Variants in PHF21B observed in about 807,000 individuals in gnomAD.
PHF21B encodes PHD finger protein 21B, also known as PHD finger protein 4.
Under a neutral mutation model 62.2 loss-of-function variants are expected in PHF21B, and 22 were observed. The ratio of observed to expected loss-of-function variants is 0.35; its 90% CI spans 0.25 to 0.51. PHF21B has a LOEUF of 0.51. Among genes scored for constraint, PHF21B ranks in the 20% least tolerant of loss-of-function variants. PHF21B has a pLI of 0.97. For missense variants in PHF21B, 701 were observed against 707.9 expected, an observed-to-expected ratio of 0.99 and a Z score of 0.11; for synonymous variants, 341 against 314.7, an observed-to-expected ratio of 1.08 and a Z score of -0.88.
At chr22:44,990,260 G>A (rs1171124414) in intron 2 of PHF21B, among the ~76,000 whole-genome samples, 1 of 152,230 alleles carries the variant, frequency 6.6e-6, no homozygotes, top group African/African-American at 2.4e-5. Context: ...TCTCCACTGA[G>A]GGTTTGCCCA....
At chr22:44,913,267 C>G (rs564600238) in intron 5 of PHF21B, among the ~76,000 whole-genome samples, 1 of 152,312 alleles carries the variant, frequency 6.6e-6, no homozygotes, top group Non-Finnish European at 1.5e-5. Context: ...TCTACAGTGC[C>G]CAGGGTCCTG....
chr22:44,934,993 G>A (rs989600526), intron 2 of PHF21B, among the ~76,000 whole-genome samples: 1 of 152,326 alleles, frequency 6.6e-6, no homozygotes, highest in Admixed American at 6.5e-5. Context: ...GACAGTCCCT[G>A]CTCTGCTCCA....
At chr22:44,944,633 C>T (rs1156607127) in intron 2 of PHF21B, among the ~76,000 whole-genome samples, 4 of 152,206 alleles carry the variant, frequency 2.6e-5, no homozygotes, top group African/African-American at 9.6e-5. Flanking sequence ...CATCACAGGG[C>T]CACGCTGGCC....
intron 12 of PHF21B, 53 bp downstream of exon 12, chr22:44,885,373 C>T (rs775906532): frequency 1.0e-4 from 150 of 1,499,126 alleles, no homozygotes; most frequent in Non-Finnish European, 1.3e-4. Flanking sequence ...TCCCCTAGAC[C>T]CGGGGCACAC....
At chr22:44,899,399 T>G (rs543418859) in intron 5 of PHF21B, among the ~76,000 whole-genome samples, 1 of 150,482 alleles carries the variant, frequency 6.6e-6, no homozygotes, top group South Asian at 2.1e-4. Context: ...CAACCGATTC[T>G]CTTGCCTCAG....
At chr22:44,920,584 G>C in intron 2 of PHF21B, 94 bp from the exon 3 acceptor site, 1 of 718,858 alleles carries the variant, frequency 1.4e-6, no homozygotes, top group Non-Finnish European at 2.3e-6. Flanking sequence ...CAGCTGCCTT[G>C]GAGACAGCAA....
At chr22:44,948,081 C>T (rs1462972626) in intron 2 of PHF21B, among the ~76,000 whole-genome samples, 1 of 142,448 alleles carries the variant, frequency 7.0e-6, no homozygotes, top group African/African-American at 2.7e-5. Flanking sequence ...GGTCTCCAAC[C>T]TTTTTGGCAC....
intron 2 of PHF21B, among the ~76,000 whole-genome samples, chr22:44,938,297 G>C (rs150285387): frequency 1.3e-5 from 2 of 152,010 alleles, no homozygotes; most frequent in Non-Finnish European, 2.9e-5. Context: ...GCAGTGGCGC[G>C]GACTTGGCTC....
chr22:44,887,923 A>C, intron 10 of PHF21B, 40 bp downstream of exon 10: 1 of 1,408,718 alleles, frequency 7.1e-7, no homozygotes, highest in Non-Finnish European at 9.3e-7. Context: ...GGGGACCTCC[A>C]TGCCAGTCTG....
At chr22:44,898,999 C>T (rs2071108222) in intron 5 of PHF21B, among the ~76,000 whole-genome samples, 1 of 152,144 alleles carries the variant, frequency 6.6e-6, no homozygotes, top group South Asian at 2.1e-4. Flanking sequence ...TTAAATCTGC[C>T]TCTCTAGGAG....
At chr22:44,924,711 C>A (rs1291261484) in intron 2 of PHF21B, among the ~76,000 whole-genome samples, 2 of 152,232 alleles carry the variant, frequency 1.3e-5, no homozygotes, top group African/African-American at 4.8e-5. Flanking sequence ...AAACTGATTT[C>A]TGTTGCTTAA....
intron 3 of PHF21B, 123 bp from the exon 4 acceptor site, chr22:44,916,753 C>T (rs1461165376): frequency 1.5e-5 from 13 of 869,636 alleles, no homozygotes; most frequent in Middle Eastern, 3.2e-4. Context: ...AAGAGCACAG[C>T]GCCTGTCACG....
intron 2 of PHF21B, among the ~76,000 whole-genome samples, chr22:44,946,900 G>A (rs981137526): frequency 6.6e-6 from 1 of 152,190 alleles, no homozygotes; most frequent in Non-Finnish European, 1.5e-5. Context: ...AGGATGGAGG[G>A]TAGCAGGGCC....
intron 2 of PHF21B, among the ~76,000 whole-genome samples, chr22:44,942,295 G>C (rs926180100): frequency 2.0e-5 from 3 of 152,198 alleles, no homozygotes; most frequent in Non-Finnish European, 4.4e-5. Context: ...CTGGAGGGCA[G>C]CCGATGGGCT....
At chr22:44,964,169 G>A (rs1601652052) in intron 2 of PHF21B, among the ~76,000 whole-genome samples, 1 of 152,228 alleles carries the variant, frequency 6.6e-6, no homozygotes, top group Non-Finnish European at 1.5e-5. Flanking sequence ...CCACTAGACA[G>A]TGACAAACAC....
intron 2 of PHF21B, among the ~76,000 whole-genome samples, chr22:44,981,067 A>G (rs1424860260): frequency 6.6e-6 from 1 of 152,168 alleles, no homozygotes; most frequent in Non-Finnish European, 1.5e-5. Context: ...GTCTGCAGAG[A>G]CTTAGGGTAG....
intron 2 of PHF21B, among the ~76,000 whole-genome samples, chr22:44,996,158 G>A (rs542679891): frequency 1.4e-4 from 22 of 152,226 alleles, no homozygotes; most frequent in African/African-American, 4.1e-4. Flanking sequence ...TGAGGGGCTC[G>A]GTCTCTCCAG....
At chr22:44,953,516 C>G (rs2072234623) in intron 2 of PHF21B, among the ~76,000 whole-genome samples, 1 of 152,138 alleles carries the variant, frequency 6.6e-6, no homozygotes, top group Admixed American at 6.6e-5. Flanking sequence ...AACACCATCT[C>G]TGCTTGCAGC....
At chr22:44,957,217 C>T (rs570304756) in intron 2 of PHF21B, among the ~76,000 whole-genome samples, 11 of 152,370 alleles carry the variant, frequency 7.2e-5, no homozygotes, top group African/African-American at 2.6e-4. Context: ...AGGCTGAGAA[C>T]ACAGTTGCAC....
Sources: gnomAD v4.1 joint callset for allele counts (sites outside exome capture counted in the v4.1 genomes callset) on GRCh38, gnomAD v4.1.1 for gene constraint, MANE v1.5 for transcripts, NCBI Gene and HGNC (gene_info 2026-07-23, HGNC 2026-07-21) for gene names.